PKHD1: variants seen among roughly 807,000 people sequenced by gnomAD.
PKHD1 encodes the protein PKHD1 ciliary IPT domain containing fibrocystin/polyductin.
In PKHD1, 291 loss-of-function variants were observed where a neutral mutation model predicts 412.0. That is an observed-to-expected ratio of 0.71 (90% CI 0.64 to 0.78). The LOEUF (loss-of-function observed/expected upper bound fraction) is 0.78, where lower values mean the gene tolerates loss of function less well. Among genes scored for constraint, PKHD1 ranks in the 30% least tolerant of loss-of-function variants. PKHD1 has a pLI of 0.00. For missense variants in PKHD1, 4,825 were observed against 4,950.7 expected (o/e 0.97, Z 0.76); for synonymous variants, 1,777 against 1,821.5 (o/e 0.98, Z 0.62).
chr6:51,684,243 CCT>C (rs2150581412), intron 60 of PKHD1, among the ~76,000 whole-genome samples: 1 of 152,154 alleles, frequency 6.6e-6, no homozygotes, highest in Non-Finnish European at 1.5e-5. Flanking sequence ...AGCCTGGTTC[CCT>C]GAGTCACCAC....
intron 52 of PKHD1, among the ~76,000 whole-genome samples, chr6:51,802,590 T>A (rs1249620974): frequency 6.6e-6 from 1 of 151,642 alleles, no homozygotes; most frequent in African/African-American, 2.4e-5. Flanking sequence ...TTTTGATTTG[T>A]TTCCTTAAGA....
rs1778379291 is a variant in PKHD1, at chr6:51,887,362, T to C, written c.6997-117A>G. On this transcript the variant is annotated intron_variant, in intron 43 of 66. Transcript: ENST00000371117. Reference sequence around the variant, plus strand: ...TATATTCACTTTCTGCCAAAGTACATTAAAACTCTATTATAGACTCATTTA... The same window carrying C: ...TATATTCACTTTCTGCCAAAGTACACTAAAACTCTATTATAGACTCATTTA... 1.8e-5 allele frequency: 13 copies of C among 736,354 alleles called. No individual in the cohort carries two copies. The East Asian group carries it at 3.2e-4, about 18-fold the overall frequency. 45.6% of individuals were successfully genotyped at this position (736,354 alleles called of 1,614,324 possible).
chr6:51,817,830 C>A (rs1206226328), intron 52 of PKHD1, among the ~76,000 whole-genome samples: 2 of 20,406 alleles, frequency 9.8e-5, no homozygotes, highest in Non-Finnish European at 5.0e-3. Flanking sequence ...GAAGTGCCTG[C>A]CATTTGCACC....
rs555826380 is a variant in PKHD1 at position 52,010,269 on chromosome 6, G to T, written c.5751+40C>A. On this transcript the variant is annotated intron_variant, in intron 35 of 66. Coordinates refer to ENST00000371117, the MANE Select transcript of PKHD1 (RefSeq NM_138694.4). ...GTACACAATATTACAAATTTAATTT[G>T]AGCTGTTTGAATCAGTCTGTAAAAA... The T allele has an allele frequency of 1.9e-6, 3 of 1,574,282 alleles. No homozygotes were observed. The African/African-American group carries it at 4.1e-5, about 21-fold the overall frequency.
intron 60 of PKHD1, among the ~76,000 whole-genome samples, chr6:51,680,410 A>G (rs903010174): frequency 6.6e-6 from 1 of 152,098 alleles, no homozygotes; most frequent in African/African-American, 2.4e-5. Flanking sequence ...ACACTTTATC[A>G]TAAGTGGCCA....
intron 46 of PKHD1, among the ~76,000 whole-genome samples, chr6:51,873,719 T>C (rs1776373795): frequency 6.6e-6 from 1 of 152,218 alleles, no homozygotes; most frequent in Non-Finnish European, 1.5e-5. Context: ...AGTTTAACAG[T>C]GCTGATGTAA....
At chr6:51,941,120 C>A (rs1788450247) in intron 36 of PKHD1, among the ~76,000 whole-genome samples, 2 of 151,172 alleles carry the variant, frequency 1.3e-5, no homozygotes, top group South Asian at 4.2e-4. Flanking sequence ...GATCATGCAC[C>A]CTTTACCATC....
intron 60 of PKHD1, among the ~76,000 whole-genome samples, chr6:51,723,744 A>C (rs1466362518): frequency 6.6e-6 from 1 of 152,182 alleles, no homozygotes; most frequent in Non-Finnish European, 1.5e-5. Context: ...GAAAGAAAAC[A>C]TCTTAAATCA....
chr6:51,719,105 CAT>C (rs1781600856), intron 60 of PKHD1, among the ~76,000 whole-genome samples: 1 of 66,934 alleles, frequency 1.5e-5, no homozygotes, highest in Non-Finnish European at 2.5e-5. Context: ...ATTTTAAGTG[CAT>C]ATATAAATAT....
chr6:51,885,893 C>T lies in PKHD1; in HGVS notation c.7189G>A (p.Val2397Ile). Residue 2397 changes from valine to isoleucine, a missense_variant, in exon 45 of 67, where the codon GTT (valine) becomes ATT (isoleucine). Transcript: ENST00000371117. ...TGGGCACCACCTGCACTTTCCCAAA[C>T]TGTGAAGCTCTGGAACAGAGTGGTG... Reference protein sequence around the residue: ...TGTTLFQSFTVWESAGGAQIF... With the variant: ...TGTTLFQSFTIWESAGGAQIF... 1 of 1,612,958 alleles carries T rather than the reference C, an allele frequency of 6.2e-7. No homozygotes were observed. The highest frequency in any genetic ancestry group is 1.1e-5 in the South Asian group (1 of 90,978).
At chr6:51,745,818 T>G (rs1232399419) in intron 59 of PKHD1, among the ~76,000 whole-genome samples, 1 of 152,134 alleles carries the variant, frequency 6.6e-6, no homozygotes, top group Non-Finnish European at 1.5e-5. Context: ...CAGCCCGGGA[T>G]AAGACATGAA....
At chr6:52,084,860 C>T in intron 2 of PKHD1, 22 bp downstream of exon 2, 1 of 1,492,408 alleles carries the variant, frequency 6.7e-7, no homozygotes, top group South Asian at 1.1e-5. Flanking sequence ...CCTATAATTC[C>T]TTCAAAACAC....
At chr6:51,635,875 C>CG (rs1768489345) in intron 64 of PKHD1, among the ~76,000 whole-genome samples, 2 of 76,518 alleles carry the variant, frequency 2.6e-5, no homozygotes, top group Non-Finnish European at 2.7e-5. Flanking sequence ...GGGCGGGGGG[C>CG]CGGGGGCGGA....
At chr6:51,835,410 G>T (rs1232328146) in intron 51 of PKHD1, among the ~76,000 whole-genome samples, 1 of 152,124 alleles carries the variant, frequency 6.6e-6, no homozygotes, top group Non-Finnish European at 1.5e-5. Context: ...CCTTATAACA[G>T]TAATTTTTAA....
chr6:51,903,768 A>G, intron 42 of PKHD1, 41 bp from the exon 43 acceptor site: 1 of 1,570,502 alleles, frequency 6.4e-7, no homozygotes, highest in Non-Finnish European at 8.7e-7. Context: ...AAACATAATT[A>G]AAATGTACTC....
intron 65 of PKHD1, among the ~76,000 whole-genome samples, chr6:51,630,467 G>A (rs1251760367): frequency 6.6e-6 from 1 of 152,086 alleles, no homozygotes; most frequent in Non-Finnish European, 1.5e-5. Context: ...AAAATGTTAT[G>A]TTTACATGCA....
intron 55 of PKHD1, among the ~76,000 whole-genome samples, chr6:51,760,867 G>A (rs989885664): frequency 2.6e-5 from 4 of 152,060 alleles, no homozygotes; most frequent in African/African-American, 9.7e-5. Flanking sequence ...GTAAATAACA[G>A]AGTATGTTAA....
chr6:51,850,939 A>G (rs1772112797), intron 49 of PKHD1, among the ~76,000 whole-genome samples: 1 of 152,138 alleles, frequency 6.6e-6, no homozygotes, highest in African/African-American at 2.4e-5. Flanking sequence ...TATGTTGAAT[A>G]AGACTGGTGA....
chr6:51,703,825 A>C (rs958618256), intron 60 of PKHD1, among the ~76,000 whole-genome samples: 13 of 152,040 alleles, frequency 8.6e-5, no homozygotes, highest in Non-Finnish European at 1.8e-4. Flanking sequence ...TACTACACCA[A>C]AAGGATGCAG....
Sources: gnomAD v4.1 joint callset for allele counts (sites outside exome capture counted in the v4.1 genomes callset) on GRCh38, gnomAD v4.1.1 for gene constraint, MANE v1.5 for transcripts, NCBI Gene and HGNC (gene_info 2026-07-23, HGNC 2026-07-21) for gene names.